Variants in MYCBP2 observed in about 807,000 individuals in gnomAD.
MYCBP2 encodes E3 ubiquitin-protein ligase MYCBP2.
Under a neutral mutation model 525.3 loss-of-function variants are expected in MYCBP2, and 120 were observed. The ratio of observed to expected loss-of-function variants is 0.23; its 90% confidence interval spans 0.20 to 0.27. The LOEUF is 0.27. Among genes scored for constraint, MYCBP2 ranks in the 10% least tolerant of loss-of-function variants. The pLI is 1.00. For synonymous variants in MYCBP2, 1,894 were observed against 1,955.8 expected, an observed-to-expected ratio of 0.97 and a Z score of 0.83; for missense variants, 4,149 against 5,657.1, an observed-to-expected ratio of 0.73 and a Z score of 8.55.
At chr13:77,219,205 A>T (rs192496884) in intron 20 of MYCBP2, among the ~76,000 whole-genome samples, 25 of 152,280 alleles carry the variant, frequency 1.6e-4, no homozygotes, top group Admixed American at 1.4e-3. Flanking sequence ...ACCACACAGA[A>T]AGAAAGAACT....
At chr13:77,174,125 T>G (rs2059395335) in intron 37 of MYCBP2, among the ~76,000 whole-genome samples, 186 bp downstream of exon 37, 1 of 152,230 alleles carries the variant, frequency 6.6e-6, no homozygotes, top group African/African-American at 2.4e-5. Flanking sequence ...AGCATTAACT[T>G]TTGTAGCAAA....
intron 80 of MYCBP2, among the ~76,000 whole-genome samples, chr13:77,054,287 G>A (rs1253019751): frequency 1.3e-5 from 2 of 152,188 alleles, no homozygotes; most frequent in Admixed American, 6.5e-5. Flanking sequence ...AAGTTATTTG[G>A]TATGTGGCAG....
chr13:77,313,470 A>G (rs1345036202), intron 1 of MYCBP2, among the ~76,000 whole-genome samples: 2 of 152,050 alleles, frequency 1.3e-5, no homozygotes, highest in East Asian at 3.8e-4. Context: ...TACACCCTTC[A>G]CAAAAATTAA....
rs748864424 is a variant in MYCBP2 at position 77,180,352 on chromosome 13, TTTTA to T, written c.4942-38_4942-35del. The T allele has an allele frequency of 4.0e-5, 63 of 1,589,424 alleles. No homozygotes were observed. In the Middle Eastern group the frequency reaches 6.7e-4, roughly 17 times the overall value. On this transcript the variant is annotated intron_variant, in intron 33 of 82. Coordinates refer to ENST00000544440, the MANE Select transcript of MYCBP2 (RefSeq NM_015057.5). The stretch of plus-strand genomic sequence containing the variant: ...CATAAGAAAAAGTTCTAAGGTATTG[TTTTA>T]TTTTCCTTCATAGGAGTACTCAATT...
intron 70 of MYCBP2, 120 bp from the exon 71 acceptor site, chr13:77,067,984 G>T: frequency 1.0e-6 from 1 of 956,088 alleles, no homozygotes; most frequent in Non-Finnish European, 1.5e-6. Flanking sequence ...TTGGAGTGCA[G>T]TGGAGCAACC....
chr13:77,237,304 G>T (rs7338017), intron 17 of MYCBP2, among the ~76,000 whole-genome samples: 147,514 of 152,238 alleles, frequency 0.97, 71,544 homozygotes, highest in East Asian at 1. Context: ...TGTATATACA[G>T]AATACTACTT....
rs1555465588 is a variant in MYCBP2 at position 77,294,113 on chromosome 13, T to TATATATATAC, written c.378+2485_378+2486insGTATATATAT. On this transcript the variant is annotated intron_variant, in intron 2 of 82. Coordinates refer to ENST00000544440, the MANE Select transcript of MYCBP2 (RefSeq NM_015057.5). ...AAAGTAGATATAATGGCTATATATA[T>TATATATATAC]ATATATATATATATATACATATATA... Among the ~76,000 whole-genome samples the TATATATATAC allele has an allele frequency of 1.7e-4, 9 of 52,888 alleles. 1 individual carries two copies. The highest frequency in any genetic ancestry group is 3.2e-4 in the Non-Finnish European group (7 of 21,552). The allele number at this position is 52,888 out of a possible 152,430, so 34.7% of individuals were successfully genotyped here. A position where few individuals can be genotyped will look rare whatever the true frequency, so the allele number is the denominator to read the frequency against.
At chr13:77,256,309 A>G (rs2072184368) in intron 14 of MYCBP2, among the ~76,000 whole-genome samples, 1 of 152,070 alleles carries the variant, frequency 6.6e-6, no homozygotes, top group Non-Finnish European at 1.5e-5. Flanking sequence ...CTAATAAAAA[A>G]ATGTTTGGAA....
At chr13:77,102,989 A>G (rs935606166) in intron 55 of MYCBP2, among the ~76,000 whole-genome samples, 13 of 152,074 alleles carry the variant, frequency 8.5e-5, no homozygotes, top group African/African-American at 3.1e-4. Context: ...TGTTTAACCT[A>G]TAGATGTAAT....
intron 43 of MYCBP2, 152 bp downstream of exon 43, chr13:77,164,302 C>G (rs868108819): frequency 3.3e-6 from 2 of 611,314 alleles, no homozygotes; most frequent in Middle Eastern, 5.4e-4. Flanking sequence ...AGTCTCTAAA[C>G]AAACTCAAAT....
At chr13:77,166,966 AACACACACATACAC>A (rs972703727) in intron 40 of MYCBP2, among the ~76,000 whole-genome samples, 5 of 123,976 alleles carry the variant, frequency 4.0e-5, no homozygotes, top group Non-Finnish European at 1.6e-5. Flanking sequence ...TCAAAGACAA[AACACACACATACAC>A]ACACACACAC....
rs771674742 is a variant in MYCBP2, at chr13:77,180,307, A to G, written c.4953T>C (p.Asn1651=). 3.7e-6 allele frequency: 6 copies of G among 1,614,048 alleles called. No homozygotes were observed. In the East Asian group the frequency reaches 1.3e-4, roughly 36 times the overall value. The change falls in exon 34 of 83, where the codon AAT becomes AAC. Residue 1651 remains asparagine (N), a synonymous_variant. Transcript: ENST00000544440. ...CACGGAAGCTTGTCATCCCTGAGAT[A>G]TTCTCTTCACTCTGCGATACATAAG... ...HMEKLSQSEE[N]ISGMTSFREV...
intron 2 of MYCBP2, among the ~76,000 whole-genome samples, 155 bp downstream of exon 2, chr13:77,296,444 G>A: frequency 6.6e-6 from 1 of 151,662 alleles, no homozygotes. Context: ...AAAGAAAGAT[G>A]AAACTAAAAG....
At chr13:77,272,420 T>C (rs2075021511) in intron 5 of MYCBP2, 1 of 152,228 alleles carries the variant, frequency 6.6e-6, no homozygotes, top group African/African-American at 2.4e-5. Flanking sequence ...GCAAATCATA[T>C]CAAAATTCAT....
At chr13:77,052,620 G>A (rs1164882666) in intron 80 of MYCBP2, among the ~76,000 whole-genome samples, 1 of 152,170 alleles carries the variant, frequency 6.6e-6, no homozygotes, top group Non-Finnish European at 1.5e-5. Context: ...TAAAAGCTAT[G>A]CTTTTTTCAG....
chr13:77,279,611 A>C (rs2075984471), intron 3 of MYCBP2, among the ~76,000 whole-genome samples: 1 of 152,204 alleles, frequency 6.6e-6, no homozygotes, highest in Admixed American at 6.5e-5. Flanking sequence ...GAAAAATTGA[A>C]ATAAGACTAA....
rs1314117993 is a variant in MYCBP2, at chr13:77,139,300, C to G, written c.7555G>C (p.Asp2519His). The change falls in exon 52 of 83, where the codon GAT (aspartate) becomes CAT (histidine). Residue 2519 changes from aspartate (D) to histidine (H), a missense_variant. By Grantham distance (81) the Asp-to-His change is moderately conservative. Coordinates refer to ENST00000544440, the MANE Select transcript of MYCBP2 (RefSeq NM_015057.5). Reference sequence around the variant, plus strand: ...GGGACATACTTCTTTATTGTCTCATCATTCAGCCTCAGCCACACACCATCA... The same window carrying G: ...GGGACATACTTCTTTATTGTCTCATGATTCAGCCTCAGCCACACACCATCA... ...NDDGVWLRLNDETIKKYVPNM... is the reference protein window; with the variant it reads ...NDDGVWLRLNHETIKKYVPNM... 5.6e-6 allele frequency: 9 copies of G among 1,613,708 alleles called. No individual in the cohort carries two copies. The Admixed American group carries it at 1.5e-4, about 27-fold the overall frequency.
At chr13:77,200,286 G>C (rs535364400) in intron 26 of MYCBP2, among the ~76,000 whole-genome samples, 1 of 152,312 alleles carries the variant, frequency 6.6e-6, no homozygotes, top group Non-Finnish European at 1.5e-5. Context: ...GGAAGAAAGG[G>C]TATCAGCGAT....
intron 70 of MYCBP2, 130 bp downstream of exon 70, chr13:77,068,435 A>T: frequency 1.7e-6 from 2 of 1,171,664 alleles, no homozygotes; most frequent in Non-Finnish European, 2.3e-6. Context: ...TACAGGCCCC[A>T]AACAAAATAT....
Sources: gnomAD v4.1 joint callset for allele counts (sites outside exome capture counted in the v4.1 genomes callset) on GRCh38, gnomAD v4.1.1 for gene constraint, MANE v1.5 for transcripts, NCBI Gene and HGNC (gene_info 2026-07-23, HGNC 2026-07-21) for gene names.